Variants in TEX11 observed in about 807,000 individuals in gnomAD.
TEX11 encodes the protein testis expressed 11, also known as testis-expressed protein 11.
A neutral mutation model predicts 84.4 loss-of-function variants in TEX11; 7 were observed. The ratio of observed to expected loss-of-function variants is 0.08; its 90% CI spans 0.05 to 0.16. TEX11 has a LOEUF of 0.16. Among genes scored for constraint, TEX11 ranks in the 10% least tolerant of loss-of-function variants. The pLI is 1.00. For synonymous variants in TEX11, 264 were observed against 222.8 expected, an observed-to-expected ratio of 1.18 and a Z score of -1.64; for missense variants, 551 against 660.5, an observed-to-expected ratio of 0.83 and a Z score of 1.82.
At chrX:70,613,813 A>G (rs1347884068) in intron 20 of TEX11, among the ~76,000 whole-genome samples, 1 of 111,356 alleles carries the variant, frequency 9.0e-6, no homozygotes, top group African/African-American at 3.3e-5. Flanking sequence ...GAGAGGGAAG[A>G]GAGGGAAGAC....
At chrX:70,579,018 C>T (rs1469240873) in intron 25 of TEX11, among the ~76,000 whole-genome samples, 5 of 108,383 alleles carry the variant, frequency 4.6e-5, no homozygotes, top group Admixed American at 9.9e-5. Context: ...GTGATCCACC[C>T]GCCTTGGCCT....
intron 2 of TEX11, among the ~76,000 whole-genome samples, chrX:70,896,396 T>C (rs62269849): frequency 0.057 from 6,400 of 111,785 alleles, 441 homozygotes; most frequent in African/African-American, 0.2. Context: ...TGCAGAGAAA[T>C]AGGTACACTT....
At chrX:70,726,751 G>A (rs781429985) in intron 11 of TEX11, among the ~76,000 whole-genome samples, 1 of 109,491 alleles carries the variant, frequency 9.1e-6, no homozygotes, top group Non-Finnish European at 1.9e-5. Flanking sequence ...GACTGTTCTC[G>A]AACTCCTGAC....
chrX:70,666,885 C>T (rs1390874361), intron 16 of TEX11, among the ~76,000 whole-genome samples: 1 of 111,342 alleles, frequency 9.0e-6, no homozygotes, highest in Non-Finnish European at 1.9e-5. Flanking sequence ...TGAGGACTTC[C>T]CTGACCACCC....
In TEX11 at chrX:70,641,372, C is replaced by T. The variant is rs188081423; in HGVS notation, c.1483+10078G>A. ...TAGACAGATCAACGAGACAGAAAGTCAACAAGGATACCCAGGAATTGAACT... is the reference window on the plus strand; with the variant it reads ...TAGACAGATCAACGAGACAGAAAGTTAACAAGGATACCCAGGAATTGAACT... On this transcript the variant is annotated intron_variant, in intron 17 of 29. Coordinates refer to ENST00000374333, the MANE Select transcript of TEX11 (RefSeq NM_031276.3). 8.4e-3 allele frequency among the ~76,000 whole-genome samples: 929 copies of T among 110,551 alleles called. 11 individuals carry two copies. Among genetic ancestry groups the T allele is most frequent in the African/African-American group, 0.03 (897 of 30,379 alleles).
At chrX:70,722,423 C>T (rs985045321) in intron 13 of TEX11, among the ~76,000 whole-genome samples, 195 bp downstream of exon 13, 2 of 111,165 alleles carry the variant, frequency 1.8e-5, no homozygotes, top group Non-Finnish European at 3.8e-5. Context: ...AGGCACATGC[C>T]ACCATACCAG....
intron 28 of TEX11, among the ~76,000 whole-genome samples, chrX:70,545,674 A>T (rs1464881021): frequency 1.8e-5 from 2 of 112,626 alleles, no homozygotes; most frequent in Non-Finnish European, 3.7e-5. Context: ...TTATATCATT[A>T]ACAAGAATTA....
intron 9 of TEX11, among the ~76,000 whole-genome samples, chrX:70,759,169 A>G (rs1399571479): frequency 1.8e-5 from 2 of 111,852 alleles, no homozygotes; most frequent in Non-Finnish European, 3.8e-5. Flanking sequence ...ACGGACTCAC[A>G]GCCAAATTCT....
chrX:70,719,909 T>C (rs2090541699), intron 13 of TEX11, among the ~76,000 whole-genome samples: 1 of 111,168 alleles, frequency 9.0e-6, no homozygotes, highest in Non-Finnish European at 1.9e-5. Flanking sequence ...GGAACACTTT[T>C]ACACTGTTGG....
At chrX:70,794,578 G>A (rs758980445) in intron 9 of TEX11, among the ~76,000 whole-genome samples, 5 of 108,591 alleles carry the variant, frequency 4.6e-5, no homozygotes, top group Admixed American at 3.0e-4. Flanking sequence ...TCTGCTTGAG[G>A]AGAGGAAAGG....
intron 7 of TEX11, among the ~76,000 whole-genome samples, chrX:70,840,643 T>C (rs892813666): frequency 9.0e-6 from 1 of 111,105 alleles, no homozygotes; most frequent in African/African-American, 3.3e-5. Flanking sequence ...TAACCTTAAA[T>C]GTAAATGGGC....
intron 18 of TEX11, among the ~76,000 whole-genome samples, chrX:70,629,261 A>G (rs980988661): frequency 8.9e-6 from 1 of 112,312 alleles, no homozygotes; most frequent in African/African-American, 3.2e-5. Context: ...AGAAATTTAA[A>G]CCATTTTGTT....
At chrX:70,829,419 T>C (rs777743189) in intron 8 of TEX11, among the ~76,000 whole-genome samples, 10 of 106,342 alleles carry the variant, frequency 9.4e-5, no homozygotes, top group African/African-American at 3.5e-4. Context: ...GAGGCGGATG[T>C]TGCAGTGAGC....
At chrX:70,881,005 C>CAAAAAAAAAAAAAAAAAAAAAA (rs11284342) in intron 2 of TEX11, among the ~76,000 whole-genome samples, 1 of 46,246 alleles carries the variant, frequency 2.2e-5, no homozygotes, top group African/African-American at 9.8e-5. Context: ...AGACATCATC[C>CAAAAAAAAAAAAAAAAAAAAAA]AAAAAAAAAA....
chrX:70,827,536 G>A (rs1053715294), intron 8 of TEX11, among the ~76,000 whole-genome samples: 4 of 111,327 alleles, frequency 3.6e-5, no homozygotes, highest in Non-Finnish European at 5.7e-5. Context: ...AGGCCTGGCA[G>A]CATTCACCAC....
intron 4 of TEX11, among the ~76,000 whole-genome samples, chrX:70,869,281 C>T (rs765283591): frequency 7.6e-4 from 83 of 108,583 alleles, no homozygotes; most frequent in Middle Eastern, 4.8e-3. Flanking sequence ...TTCTTCTCTA[C>T]CTTCAAACGT....
chrX:70,803,779 C>T (rs2091202495), intron 9 of TEX11, among the ~76,000 whole-genome samples: 1 of 111,449 alleles, frequency 9.0e-6, no homozygotes, highest in Non-Finnish European at 1.9e-5. Flanking sequence ...TAATTAGCAG[C>T]TATTCATCTC....
At chrX:70,674,470 G>A (rs1260413538) in intron 15 of TEX11, among the ~76,000 whole-genome samples, 1 of 111,905 alleles carries the variant, frequency 8.9e-6, no homozygotes. Flanking sequence ...TTCAGAAATA[G>A]CCATACTGCT....
chrX:70,523,624 T>C, the TEX11 span, among the ~76,000 whole-genome samples: 153 of 109,710 alleles, frequency 1.4e-3, no homozygotes, highest in Non-Finnish European at 2.1e-3. Flanking sequence ...CCACCACACC[T>C]GGCTAATTTT....
Sources: gnomAD v4.1 joint callset for allele counts (sites outside exome capture counted in the v4.1 genomes callset) on GRCh38, gnomAD v4.1.1 for gene constraint, MANE v1.5 for transcripts, NCBI Gene and HGNC (gene_info 2026-07-23, HGNC 2026-07-21) for gene names.